FHOD3: variants seen among roughly 807,000 people sequenced by gnomAD.
FHOD3 encodes formin homology 2 domain containing 3, also known as FH1/FH2 domain-containing protein 3.
In FHOD3, 90 loss-of-function variants were observed where a neutral mutation model predicts 173.0. That is an observed-to-expected ratio of 0.52 (90% CI 0.44 to 0.62). The LOEUF (loss-of-function observed/expected upper bound fraction) is 0.62. Ranked by LOEUF, FHOD3 falls within the 20% of genes least tolerant of loss-of-function variation. The pLI, the probability that FHOD3 is intolerant of heterozygous loss-of-function variation, is 0.00. For synonymous variants in FHOD3, 828 were observed against 823.0 expected (o/e 1.01, Z -0.10); for missense variants, 1,945 against 2,034.7 (o/e 0.96, Z 0.85).
At chr18:36,751,668 C>T (rs181284948) in intron 24 of FHOD3, among the ~76,000 whole-genome samples, 6 of 152,218 alleles carry the variant, frequency 3.9e-5, no homozygotes, top group African/African-American at 9.6e-5. Context: ...CCTAGTTTAT[C>T]GAGTGTTTTA....
At chr18:36,591,162 C>T (rs1334230980) in intron 6 of FHOD3, among the ~76,000 whole-genome samples, 1 of 152,200 alleles carries the variant, frequency 6.6e-6, no homozygotes, top group Non-Finnish European at 1.5e-5. Context: ...AACCTCCAAC[C>T]GTGTAGTTGA....
chr18:36,318,439 C>CA (rs1166830898), intron 1 of FHOD3, among the ~76,000 whole-genome samples: 1 of 152,306 alleles, frequency 6.6e-6, no homozygotes, highest in African/African-American at 2.4e-5. Context: ...AGAGGTCCTT[C>CA]ACATCCCTTG....
At chr18:36,455,490 A>C (rs1426093981) in intron 3 of FHOD3, among the ~76,000 whole-genome samples, 1 of 152,148 alleles carries the variant, frequency 6.6e-6, no homozygotes, top group African/African-American at 2.4e-5. Flanking sequence ...TGATTCTTTC[A>C]AAAGAGAACT....
At chr18:36,298,061 G>C (rs2091843091) in intron 1 of FHOD3, 61 bp downstream of exon 1, 1 of 1,387,610 alleles carries the variant, frequency 7.2e-7, no homozygotes, top group Non-Finnish European at 9.4e-7. Context: ...GGTGCGCGCC[G>C]GGGTGGGTCC....
At chr18:36,553,545 G>T (rs2057750381) in intron 5 of FHOD3, among the ~76,000 whole-genome samples, 1 of 152,124 alleles carries the variant, frequency 6.6e-6, no homozygotes. Flanking sequence ...GTTTAGTCTT[G>T]GGAGGGTGTA....
chr18:36,374,497 G>T (rs553539860), intron 3 of FHOD3, among the ~76,000 whole-genome samples: 1 of 152,160 alleles, frequency 6.6e-6, no homozygotes, highest in African/African-American at 2.4e-5. Context: ...AAAGGTCACT[G>T]CTTCTTTGAA....
intron 3 of FHOD3, among the ~76,000 whole-genome samples, chr18:36,373,274 C>T (rs17650231): frequency 0.056 from 8,493 of 152,058 alleles, 314 homozygotes; most frequent in South Asian, 0.13. Flanking sequence ...GGCCAAGTTG[C>T]GGCAAGAATA....
At chr18:36,557,897 G>A (rs983970722) in intron 5 of FHOD3, among the ~76,000 whole-genome samples, 4 of 152,126 alleles carry the variant, frequency 2.6e-5, no homozygotes, top group East Asian at 1.9e-4. Flanking sequence ...TTTAAGATTC[G>A]TTAGGTGAAA....
chr18:36,714,637 T>A (rs1036405273), intron 18 of FHOD3, among the ~76,000 whole-genome samples: 4 of 152,180 alleles, frequency 2.6e-5, no homozygotes, highest in Non-Finnish European at 5.9e-5. Flanking sequence ...GGCTGTCTCT[T>A]AAGAAGGGCT....
Position 36,642,475 on chromosome 18 carries a change from C to T in FHOD3, c.1197-6841C>T, listed in dbSNP as rs1168401787. ...TCTACTAAAAATACAAAAAATTAGCCGGGCGTGGTGGCGGGTGCCTGTAGT... is the reference window on the plus strand; with the variant it reads ...TCTACTAAAAATACAAAAAATTAGCTGGGCGTGGTGGCGGGTGCCTGTAGT... On this transcript the variant is annotated intron_variant, in intron 10 of 28. Coordinates refer to ENST00000590592, the MANE Select transcript of FHOD3 (RefSeq NM_001281740.3). Among the ~76,000 whole-genome samples, 4 of 149,432 alleles carry T rather than the reference C, an allele frequency of 2.7e-5. No homozygotes were observed. In the East Asian group the frequency reaches 8.1e-4, roughly 30 times the overall value.
chr18:36,325,771 G>A (rs1326223957), intron 1 of FHOD3, among the ~76,000 whole-genome samples: 1 of 152,150 alleles, frequency 6.6e-6, no homozygotes, highest in African/African-American at 2.4e-5. Flanking sequence ...TGCACCCACA[G>A]ATTAAAAGAC....
chr18:36,701,830 A>G (rs549496117), intron 17 of FHOD3, among the ~76,000 whole-genome samples: 2 of 152,298 alleles, frequency 1.3e-5, no homozygotes, highest in African/African-American at 4.8e-5. Flanking sequence ...CACTGTCCAA[A>G]GGGACTTTTG....
chr18:36,708,967 A>T, intron 17 of FHOD3, 128 bp from the exon 18 acceptor site: 1 of 1,124,616 alleles, frequency 8.9e-7, no homozygotes, highest in Non-Finnish European at 1.3e-6. Context: ...ACCAGGGCAT[A>T]GGTCTCTTGG....
At chr18:36,500,400 A>G (rs2054969658) in intron 3 of FHOD3, among the ~76,000 whole-genome samples, 1 of 152,184 alleles carries the variant, frequency 6.6e-6, no homozygotes, top group African/African-American at 2.4e-5. Flanking sequence ...GACTTCTGCA[A>G]ACTCTTCTGG....
chr18:36,611,347 C>A (rs79619209), intron 8 of FHOD3, among the ~76,000 whole-genome samples: 165 of 152,276 alleles, frequency 1.1e-3, no homozygotes, highest in African/African-American at 3.8e-3. Context: ...CCAGGCATGG[C>A]CTTAGTAGGT....
intron 6 of FHOD3, among the ~76,000 whole-genome samples, chr18:36,581,267 C>T (rs1165590052): frequency 6.6e-6 from 1 of 152,342 alleles, no homozygotes; most frequent in Admixed American, 6.5e-5. Context: ...TCTCTTCATA[C>T]ATCTGGAATT....
intron 17 of FHOD3, among the ~76,000 whole-genome samples, chr18:36,704,084 C>T (rs537217594): frequency 3.2e-4 from 49 of 152,300 alleles, no homozygotes; most frequent in African/African-American, 1.2e-3. Flanking sequence ...CCCTTCTTTT[C>T]TATTACTTCT....
chr18:36,728,209 G>A (rs2041175709), intron 19 of FHOD3, among the ~76,000 whole-genome samples: 1 of 152,206 alleles, frequency 6.6e-6, no homozygotes, highest in East Asian at 1.9e-4. Context: ...GCTGAGTGGG[G>A]AAGAGGGCAT....
At chr18:36,558,032 A>G (rs544298867) in intron 5 of FHOD3, among the ~76,000 whole-genome samples, 5 of 152,336 alleles carry the variant, frequency 3.3e-5, no homozygotes, top group South Asian at 2.1e-4. Flanking sequence ...ATAGCTGTGT[A>G]TGAATGCTGG....
Sources: gnomAD v4.1 joint callset for allele counts (sites outside exome capture counted in the v4.1 genomes callset) on GRCh38, gnomAD v4.1.1 for gene constraint, MANE v1.5 for transcripts, NCBI Gene and HGNC (gene_info 2026-07-23, HGNC 2026-07-21) for gene names.